The following BICC1 variants were observed in gnomAD, a reference collection of about 807,000 sequenced individuals.
The protein encoded by BICC1 is protein bicaudal C homolog 1.
Under a neutral mutation model 111.0 loss-of-function variants are expected in BICC1, and 43 were observed. The ratio of observed to expected loss-of-function variants is 0.39; its 90% CI spans 0.30 to 0.50. The LOEUF is 0.50. Among genes scored for constraint, BICC1 ranks in the 20% least tolerant of loss-of-function variants. BICC1 has a pLI of 0.88. For missense variants in BICC1, 1,091 were observed against 1,203.2 expected, an observed-to-expected ratio of 0.91 and a Z score of 1.38; for synonymous variants, 467 against 434.4, an observed-to-expected ratio of 1.07 and a Z score of -0.93.
intron 1 of BICC1, among the ~76,000 whole-genome samples, chr10:58,515,152 A>G (rs1384660884): frequency 6.6e-6 from 1 of 152,234 alleles, no homozygotes; most frequent in Admixed American, 6.5e-5. Flanking sequence ...GCTCTTTTGT[A>G]TTAATAGATG....
At chr10:58,710,181 G>A (rs377416828) in intron 3 of BICC1, among the ~76,000 whole-genome samples, 1 of 152,128 alleles carries the variant, frequency 6.6e-6, no homozygotes, top group Non-Finnish European at 1.5e-5. Context: ...AGAAACTAAA[G>A]CCAGTAAAGG....
At chr10:58,573,861 T>C (rs1844034095) in intron 1 of BICC1, among the ~76,000 whole-genome samples, 1 of 152,102 alleles carries the variant, frequency 6.6e-6, no homozygotes, top group African/African-American at 2.4e-5. Flanking sequence ...GGTTGAGGCA[T>C]TGGACATTTT....
intron 3 of BICC1, among the ~76,000 whole-genome samples, chr10:58,761,486 G>T (rs1424094046): frequency 6.6e-6 from 1 of 152,126 alleles, no homozygotes; most frequent in East Asian, 1.9e-4. Context: ...ATGGTTTATT[G>T]TGATTTCCCA....
intron 1 of BICC1, among the ~76,000 whole-genome samples, chr10:58,578,120 TG>T (rs928640281): frequency 1.6e-4 from 25 of 152,038 alleles, no homozygotes; most frequent in Non-Finnish European, 2.9e-4. Context: ...AAGAGGTGGG[TG>T]GGGGTAAAGA....
chr10:58,819,260 C>A (rs1844185823), intron 19 of BICC1, among the ~76,000 whole-genome samples: 1 of 152,168 alleles, frequency 6.6e-6, no homozygotes, highest in Non-Finnish European at 1.5e-5. Flanking sequence ...GCTGAAGAAT[C>A]TCTATTATAG....
intron 2 of BICC1, among the ~76,000 whole-genome samples, chr10:58,692,610 T>C (rs1175762809): frequency 6.6e-6 from 1 of 152,218 alleles, no homozygotes; most frequent in Non-Finnish European, 1.5e-5. Context: ...TAACACGTAT[T>C]ATTTCTTTGT....
At chr10:58,551,557 C>T (rs910120824) in intron 1 of BICC1, among the ~76,000 whole-genome samples, 2 of 152,084 alleles carry the variant, frequency 1.3e-5, no homozygotes, top group African/African-American at 4.8e-5. Context: ...TTGTTATTAA[C>T]TGTAGTCACA....
intron 1 of BICC1, among the ~76,000 whole-genome samples, chr10:58,531,661 C>T (rs565013970): frequency 9.2e-5 from 14 of 151,538 alleles, no homozygotes; most frequent in Middle Eastern, 3.4e-3. Context: ...TACAAGAAAA[C>T]ATATACAATG....
At chr10:58,577,773 T>C (rs2132000350) in intron 1 of BICC1, among the ~76,000 whole-genome samples, 1 of 152,284 alleles carries the variant, frequency 6.6e-6, no homozygotes, top group East Asian at 1.9e-4. Context: ...GTCCTTAAAA[T>C]CCTAAACTCT....
chr10:58,533,633 A>G (rs913043165), intron 1 of BICC1, among the ~76,000 whole-genome samples: 3 of 151,852 alleles, frequency 2.0e-5, no homozygotes. Context: ...TTCTGGATAA[A>G]CAAAAGGCGA....
At chr10:58,582,862 AC>A (rs2132016017) in intron 1 of BICC1, among the ~76,000 whole-genome samples, 1 of 152,260 alleles carries the variant, frequency 6.6e-6, no homozygotes, top group East Asian at 1.9e-4. Flanking sequence ...CATTGAGCCT[AC>A]TCAGAGAACG....
intron 3 of BICC1, among the ~76,000 whole-genome samples, chr10:58,770,030 A>G (rs1287757871): frequency 1.3e-5 from 2 of 152,006 alleles, no homozygotes; most frequent in Admixed American, 1.3e-4. Context: ...AGTTTTAATT[A>G]TAATTGCAAA....
At chr10:58,688,119 C>T (rs1397651263) in intron 2 of BICC1, among the ~76,000 whole-genome samples, 3 of 152,000 alleles carry the variant, frequency 2.0e-5, no homozygotes, top group East Asian at 3.9e-4. Flanking sequence ...TTAAAGTTAG[C>T]GTGGACCCAA....
In BICC1 at chr10:58,828,001, T is replaced by C. The variant is rs528148377; in HGVS notation, c.2795-760T>C. 2.0e-5 allele frequency among the ~76,000 whole-genome samples: 3 copies of C among 152,304 alleles called. 1 individual carries two copies. The highest frequency in any genetic ancestry group is 7.2e-5 in the African/African-American group (3 of 41,572). ...ATATATTTTCTCTTCCTAATGATTA[T>C]CTTAGTATTTTCTCTGGCTGAGTTT... On this transcript the variant is annotated intron_variant, in intron 20 of 20. Transcript: ENST00000373886.
intron 2 of BICC1, among the ~76,000 whole-genome samples, chr10:58,677,130 A>C (rs191343102): frequency 2.2e-3 from 336 of 152,344 alleles, no homozygotes; most frequent in African/African-American, 7.5e-3. Flanking sequence ...TCCAAAAACC[A>C]GAATGCCTCT....
intron 2 of BICC1, among the ~76,000 whole-genome samples, chr10:58,631,686 A>G (rs927844920): frequency 1.2e-4 from 18 of 152,202 alleles, no homozygotes; most frequent in African/African-American, 4.3e-4. Context: ...AATAAGCAAA[A>G]TATAGAGGCC....
chr10:58,785,944 A>G (rs1238661585), intron 4 of BICC1, among the ~76,000 whole-genome samples: 1 of 152,054 alleles, frequency 6.6e-6, no homozygotes, highest in Non-Finnish European at 1.5e-5. Context: ...CTTCGTTTTT[A>G]AAAAAATTAC....
intron 3 of BICC1, among the ~76,000 whole-genome samples, chr10:58,739,970 A>C (rs999329891): frequency 7.2e-5 from 11 of 152,200 alleles, no homozygotes; most frequent in African/African-American, 2.7e-4. Flanking sequence ...AATAGACTTT[A>C]GCTTATAGAA....
At chr10:58,556,132 A>G (rs2131932922) in intron 1 of BICC1, among the ~76,000 whole-genome samples, 1 of 152,136 alleles carries the variant, frequency 6.6e-6, no homozygotes, top group Non-Finnish European at 1.5e-5. Context: ...CGAAAGTTAT[A>G]CCTCCTAGGT....
Sources: allele counts gnomAD v4.1 joint callset (sites outside exome capture counted in the v4.1 genomes callset), GRCh38; gene constraint gnomAD v4.1.1; transcripts MANE v1.5; gene names NCBI Gene and HGNC (gene_info 2026-07-23, HGNC 2026-07-21).